The following POLE4 variants were observed in gnomAD, a reference collection of about 807,000 sequenced individuals.
POLE4 encodes the protein DNA polymerase epsilon subunit 4.
In POLE4, 15 loss-of-function variants were observed where a neutral mutation model predicts 15.6. The ratio of observed to expected loss-of-function variants is 0.96; its 90% CI spans 0.64 to 1.48. The LOEUF is 1.48. Among genes scored for constraint, POLE4 ranks in the 40% most tolerant of loss-of-function variants. The pLI, the probability that POLE4 is intolerant of heterozygous loss-of-function variation, is 0.00. For synonymous variants in POLE4, 83 were observed against 63.2 expected, an observed-to-expected ratio of 1.31 and a Z score of -1.49; for missense variants, 205 against 151.9, an observed-to-expected ratio of 1.35 and a Z score of -1.84.
intron 3 of POLE4, among the ~76,000 whole-genome samples, chr2:74,963,532 C>T (rs2103678217): frequency 6.6e-6 from 1 of 151,516 alleles, no homozygotes; most frequent in South Asian, 2.1e-4. Flanking sequence ...GACGTGGAGT[C>T]TTGCTTTGTC....
chr2:74,958,716 C>T lies in POLE4; in HGVS notation c.37C>T (p.Arg13Ter). Residue 13 changes from arginine (R) to a stop codon, truncating the protein, a stop_gained, in exon 1 of 4, where the codon CGA becomes TGA. Coordinates refer to ENST00000483063, the MANE Select transcript of POLE4 (RefSeq NM_019896.4). LOFTEE classifies it high-confidence loss of function. ...GGCGGCGGCAGGAAGCGGGACGCCC[C>T]GAGAGGAGGAGGGACCTGCTGGGGA... ...AAAAAGSGTP[R>*]EEEGPAGEAA... 6.7e-7 allele frequency: 1 copy of T among 1,495,358 alleles called. No homozygotes were observed. Among genetic ancestry groups the T allele is most frequent in the Non-Finnish European group, 8.9e-7 (1 of 1,126,022 alleles). 92.6% of individuals were successfully genotyped at this position (1,495,358 alleles called of 1,614,324 possible).
Position 74,959,240 on chromosome 2 carries a change from G to A in POLE4, c.214-101G>A, listed in dbSNP as rs956657784. ...AGCTTCCAGAACATTTTCTTGCCCC[G>A]AGCCTTTCTTCTCCCTTTCTGCCCC... On this transcript the variant is annotated intron_variant, in intron 1 of 3. Transcript: ENST00000483063. 7.1e-6 allele frequency: 5 copies of A among 708,742 alleles called. No individual in the cohort carries two copies. In the East Asian group the frequency reaches 1.0e-4, roughly 15 times the overall value. The allele number at this position is 708,742 out of a possible 1,614,324, so 43.9% of individuals were successfully genotyped here. A position where few individuals can be genotyped will look rare whatever the true frequency, so the allele number is the denominator to read the frequency against.
intron 3 of POLE4, chr2:74,960,691 A>G: frequency 4.5e-6 from 2 of 440,814 alleles, no homozygotes; most frequent in South Asian, 1.6e-5. Flanking sequence ...GATTTCTGCT[A>G]CTTAATTCTT....
At chr2:74,969,350 G>T in intron 3 of POLE4, 59 bp from the exon 4 acceptor site, 3 of 1,546,866 alleles carry the variant, frequency 1.9e-6, no homozygotes, top group Non-Finnish European at 2.7e-6. Context: ...TGCCCAGCTT[G>T]TTACACTAAT....
intron 3 of POLE4, among the ~76,000 whole-genome samples, chr2:74,967,945 C>G (rs999267841): frequency 2.0e-5 from 3 of 152,162 alleles, no homozygotes; most frequent in Non-Finnish European, 4.4e-5. Context: ...CTTTTGGGCT[C>G]TAGCTTAAGA....
Position 74,958,822 on chromosome 2 carries a change from C to G in POLE4, c.143C>G (p.Ala48Gly). The change falls in exon 1 of 4, where the codon GCC becomes GGC. Residue 48 changes from alanine (A) to glycine (G), a missense_variant. Transcript: ENST00000483063. ...LSRLPLARVK[A>G]LVKADPDVTL... Reference sequence around the variant, plus strand: ...AGGTTGCCTCTGGCGCGAGTGAAGGCCTTGGTGAAGGCAGATCCCGACGTG... The same window carrying G: ...AGGTTGCCTCTGGCGCGAGTGAAGGGCTTGGTGAAGGCAGATCCCGACGTG... The G allele has an allele frequency of 1.9e-6, 3 of 1,558,536 alleles. No homozygotes were observed. Among genetic ancestry groups the G allele is most frequent in the Non-Finnish European group, 1.7e-6 (2 of 1,151,292 alleles).
intron 3 of POLE4, 53 bp from the exon 4 acceptor site, chr2:74,969,356 C>G (rs1671337406): frequency 3.8e-6 from 6 of 1,571,936 alleles, no homozygotes; most frequent in Non-Finnish European, 5.3e-6. Flanking sequence ...GCTTGTTACA[C>G]TAATCCAGCT....
rs372257825 is a variant in POLE4 at position 74,959,437 on chromosome 2, C to G, written c.298+12C>G. 5 of 1,563,376 alleles carry G rather than the reference C, an allele frequency of 3.2e-6. No individual in the cohort carries two copies. The highest frequency in any genetic ancestry group is 2.6e-6 in the Non-Finnish European group (3 of 1,134,268). On this transcript the variant is annotated intron_variant, in intron 2 of 3. Coordinates refer to ENST00000483063, the MANE Select transcript of POLE4 (RefSeq NM_019896.4). ...GAGGAGAGACTTGGGTAGAGTGGCA[C>G]TGCAGTGTCTGGGGACAGACAAGGG...
chr2:74,959,823 T>G, intron 2 of POLE4: 1 of 477,724 alleles, frequency 2.1e-6, no homozygotes, highest in Non-Finnish European at 3.7e-6. Flanking sequence ...CTGACAACTT[T>G]AAGAGCAAAG....
rs1671350980 is a variant in POLE4, at chr2:74,970,094, CATTTT to C, written c.*677_*681del. 6.6e-6 allele frequency: 1 copy of C among 151,536 alleles called. No individual in the cohort carries two copies. The highest frequency in any genetic ancestry group is 2.4e-5 in the African/African-American group (1 of 41,238). 9.4% of individuals were successfully genotyped at this position (151,536 alleles called of 1,614,324 possible). On this transcript the variant is annotated 3_prime_UTR_variant, in exon 4 of 4. Coordinates refer to ENST00000483063, the MANE Select transcript of POLE4 (RefSeq NM_019896.4). ...CCAGTCATCACAGTCGATTTTAGAA[CATTTT>C]ATTTATTTATTTATTATTATTATAC...
At chr2:74,959,099 A>C in intron 1 of POLE4, 1 of 611,160 alleles carries the variant, frequency 1.6e-6, no homozygotes, top group Non-Finnish European at 2.9e-6. Flanking sequence ...ATAGTGAGTG[A>C]CTTTAATTTG....
chr2:74,968,777 T>G (rs1671326846), intron 3 of POLE4, among the ~76,000 whole-genome samples: 1 of 151,986 alleles, frequency 6.6e-6, no homozygotes, highest in Non-Finnish European at 1.5e-5. Flanking sequence ...TCCTGGTGAC[T>G]TGAGCCTGGA....
intron 3 of POLE4, among the ~76,000 whole-genome samples, chr2:74,963,590 C>T (rs143755763): frequency 8.5e-5 from 13 of 152,056 alleles, no homozygotes; most frequent in African/African-American, 2.4e-4. Context: ...TGCAGCCCCC[C>T]CTCCCACGTT....
Position 74,969,546 on chromosome 2 carries a change from C to A in POLE4, c.*124C>A. ...CACACTCTTCCTGTTCTGCCTTCACCTATGCCGGGATAAGCAGAGATCTCA... is the reference window on the plus strand; with the variant it reads ...CACACTCTTCCTGTTCTGCCTTCACATATGCCGGGATAAGCAGAGATCTCA... On this transcript the variant is annotated 3_prime_UTR_variant, in exon 4 of 4. Coordinates refer to ENST00000483063, the MANE Select transcript of POLE4 (RefSeq NM_019896.4). 1 of 879,880 alleles carries A rather than the reference C, an allele frequency of 1.1e-6. No homozygotes were observed. Among genetic ancestry groups the A allele is most frequent in the South Asian group, 1.3e-5 (1 of 75,796 alleles). 54.5% of individuals were successfully genotyped at this position (879,880 alleles called of 1,614,324 possible).
intron 3 of POLE4, among the ~76,000 whole-genome samples, chr2:74,965,142 G>A (rs964089466): frequency 1.3e-5 from 2 of 149,870 alleles, no homozygotes; most frequent in Admixed American, 1.3e-4. Flanking sequence ...TGCCCAGGGT[G>A]GAGTACAGTG....
intron 3 of POLE4, among the ~76,000 whole-genome samples, chr2:74,967,357 C>T (rs1671311587): frequency 6.9e-6 from 1 of 145,210 alleles, no homozygotes. Context: ...TTGTATTTTT[C>T]AGTACTGTGA....
At chr2:74,958,951 T>A in intron 1 of POLE4, 59 bp downstream of exon 1, 6 of 1,452,334 alleles carry the variant, frequency 4.1e-6, no homozygotes, top group Non-Finnish European at 5.6e-6. Flanking sequence ...GGGCGGGGCC[T>A]CGGGGCCTCC....
At chr2:74,969,388 C>T in intron 3 of POLE4, 21 bp from the exon 4 acceptor site, 2 of 1,612,900 alleles carry the variant, frequency 1.2e-6, no homozygotes, top group South Asian at 2.2e-5. Flanking sequence ...CTGATATACT[C>T]ATTGCTCTTT....
In POLE4 at chr2:74,958,811, G is replaced by A. The variant is rs1342558333; in HGVS notation, c.132G>A (p.Ala44=). 3.9e-6 allele frequency: 6 copies of A among 1,556,116 alleles called. No homozygotes were observed. Among genetic ancestry groups the A allele is most frequent in the African/African-American group, 2.7e-5 (2 of 73,386 alleles). Residue 44 remains alanine, a synonymous_variant, in exon 1 of 4, where the codon GCG becomes GCA. Coordinates refer to ENST00000483063, the MANE Select transcript of POLE4 (RefSeq NM_019896.4). ...CTCGTCTCTCGAGGTTGCCTCTGGC[G>A]CGAGTGAAGGCCTTGGTGAAGGCAG... ...PGARLSRLPL[A]RVKALVKADP...
Sources: gnomAD v4.1 joint callset for allele counts (sites outside exome capture counted in the v4.1 genomes callset) on GRCh38, gnomAD v4.1.1 for gene constraint, MANE v1.5 for transcripts, NCBI Gene and HGNC (gene_info 2026-07-23, HGNC 2026-07-21) for gene names.